Variants in GRID2 observed in about 807,000 individuals in gnomAD.
GRID2 encodes the protein glutamate ionotropic receptor delta type subunit 2, also known as glutamate receptor ionotropic, delta-2.
Under a neutral mutation model 114.8 loss-of-function variants are expected in GRID2, and 33 were observed. That is an observed-to-expected ratio of 0.29 (90% CI 0.22 to 0.38). GRID2 has a LOEUF of 0.38. Ranked by LOEUF, GRID2 falls within the 10% of genes least tolerant of loss-of-function variation. The probability of loss-of-function intolerance (pLI) is 1.00; values close to 1 mark genes in which losing one functional copy is unlikely to be tolerated. For missense variants in GRID2, 1,184 were observed against 1,257.7 expected, an observed-to-expected ratio of 0.94 and a Z score of 0.89; for synonymous variants, 505 against 449.9, an observed-to-expected ratio of 1.12 and a Z score of -1.55.
intron 1 of GRID2, among the ~76,000 whole-genome samples, chr4:92,308,527 A>G (rs1725531515): frequency 1.3e-5 from 2 of 152,158 alleles, no homozygotes; most frequent in African/African-American, 4.8e-5. Context: ...GTGATATTAT[A>G]TTTGAGAAAC....
chr4:93,475,686 T>C (rs1725254843), intron 11 of GRID2, among the ~76,000 whole-genome samples: 1 of 152,136 alleles, frequency 6.6e-6, no homozygotes, highest in East Asian at 1.9e-4. Flanking sequence ...TGAGATCCAT[T>C]TCACTTTGAT....
At chr4:92,919,887 G>A (rs1217944359) in intron 2 of GRID2, among the ~76,000 whole-genome samples, 8 of 152,138 alleles carry the variant, frequency 5.3e-5, no homozygotes, top group Non-Finnish European at 1.0e-4. Context: ...GCAGAGCTGA[G>A]TTCAATTCGA....
intron 8 of GRID2, among the ~76,000 whole-genome samples, chr4:93,286,704 T>G (rs1753203461): frequency 6.9e-6 from 1 of 145,554 alleles, no homozygotes; most frequent in Non-Finnish European, 1.5e-5. Context: ...GGTGTGTGTG[T>G]GTGTGTGTGT....
intron 2 of GRID2, among the ~76,000 whole-genome samples, chr4:93,005,594 T>G (rs1423267313): frequency 6.6e-6 from 1 of 152,062 alleles, no homozygotes; most frequent in South Asian, 2.1e-4. Flanking sequence ...ATAAATACTT[T>G]TACATGAATG....
intron 1 of GRID2, among the ~76,000 whole-genome samples, chr4:92,357,737 C>T (rs1374624614): frequency 2.0e-5 from 3 of 151,770 alleles, no homozygotes; most frequent in Admixed American, 2.0e-4. Flanking sequence ...ACTGTTCTTT[C>T]TCTTGTTAGT....
chr4:92,734,692 CTCTTCA>C (rs750084325), intron 2 of GRID2, among the ~76,000 whole-genome samples: 4 of 151,278 alleles, frequency 2.6e-5, no homozygotes, highest in South Asian at 2.1e-4. Context: ...AACATTTTTT[CTCTTCA>C]TCTTCATCTT....
chr4:93,596,638 T>C (rs866134253), intron 13 of GRID2, among the ~76,000 whole-genome samples: 23 of 152,184 alleles, frequency 1.5e-4, no homozygotes, highest in African/African-American at 5.5e-4. Flanking sequence ...CAAGTTATTA[T>C]ATTAAGACTT....
chr4:93,676,134 TTAGA>T (rs1261286891), intron 14 of GRID2, among the ~76,000 whole-genome samples: 3 of 152,206 alleles, frequency 2.0e-5, no homozygotes, highest in East Asian at 1.9e-4. Flanking sequence ...GCTAGAACAG[TTAGA>T]TAGACCAATG....
intron 7 of GRID2, among the ~76,000 whole-genome samples, chr4:93,229,897 T>G (rs1381887970): frequency 6.6e-6 from 1 of 152,244 alleles, no homozygotes; most frequent in Admixed American, 6.5e-5. Context: ...TTTTTAAAAA[T>G]TAGCAGTTAA....
chr4:93,136,617 A>C (rs1735272886), intron 4 of GRID2, among the ~76,000 whole-genome samples: 1 of 152,194 alleles, frequency 6.6e-6, no homozygotes, highest in Non-Finnish European at 1.5e-5. Context: ...AAATAATTTC[A>C]ATAAATTGTA....
chr4:92,523,258 A>G (rs1405944455), intron 1 of GRID2, among the ~76,000 whole-genome samples: 1 of 152,058 alleles, frequency 6.6e-6, no homozygotes, highest in Non-Finnish European at 1.5e-5. Flanking sequence ...AAGAGTGCAG[A>G]TAAAAAGCAT....
intron 14 of GRID2, among the ~76,000 whole-genome samples, chr4:93,654,194 T>G (rs535507394): frequency 6.6e-6 from 1 of 152,306 alleles, no homozygotes; most frequent in South Asian, 2.1e-4. Flanking sequence ...TTAAACCATG[T>G]GTGACTTTCT....
At chr4:93,653,468 T>C (rs1356364674) in intron 14 of GRID2, among the ~76,000 whole-genome samples, 1 of 152,180 alleles carries the variant, frequency 6.6e-6, no homozygotes, top group Non-Finnish European at 1.5e-5. Flanking sequence ...TTGAGGCACA[T>C]TCTATAATAC....
chr4:93,470,775 G>A (rs927928641), intron 11 of GRID2, among the ~76,000 whole-genome samples: 1 of 151,916 alleles, frequency 6.6e-6, no homozygotes, highest in Non-Finnish European at 1.5e-5. Flanking sequence ...AAGCAAAAGT[G>A]TATGATTTCA....
chr4:92,844,359 T>A (rs1743136644), intron 2 of GRID2, among the ~76,000 whole-genome samples: 1 of 151,902 alleles, frequency 6.6e-6, no homozygotes, highest in Non-Finnish European at 1.5e-5. Context: ...AACCACATGG[T>A]GAAACCCCGT....
At chr4:92,792,532 T>C (rs113270734) in intron 2 of GRID2, among the ~76,000 whole-genome samples, 14 of 149,860 alleles carry the variant, frequency 9.3e-5, no homozygotes, top group African/African-American at 3.5e-4. Context: ...CTTTCTCTCT[T>C]AGCTTTTGTC....
chr4:93,445,218 A>G (rs1232643156), intron 10 of GRID2, among the ~76,000 whole-genome samples: 1 of 151,992 alleles, frequency 6.6e-6, no homozygotes, highest in Non-Finnish European at 1.5e-5. Context: ...GTTGGAAGCT[A>G]TGTACTGAGG....
chr4:92,349,760 G>A (rs1343697275), intron 1 of GRID2, among the ~76,000 whole-genome samples: 1 of 151,650 alleles, frequency 6.6e-6, no homozygotes, highest in Non-Finnish European at 1.5e-5. Context: ...GGAATAATCT[G>A]CAGGGGAAAA....
intron 13 of GRID2, among the ~76,000 whole-genome samples, chr4:93,582,408 T>A (rs1277659782): frequency 6.6e-6 from 1 of 152,170 alleles, no homozygotes; most frequent in East Asian, 1.9e-4. Context: ...GTCTCTTTTG[T>A]CATCTATGGT....
Sources: allele counts gnomAD v4.1 joint callset (sites outside exome capture counted in the v4.1 genomes callset), GRCh38; gene constraint gnomAD v4.1.1; transcripts MANE v1.5; gene names NCBI Gene and HGNC (gene_info 2026-07-23, HGNC 2026-07-21).